Variants in URB1 observed in about 807,000 individuals in gnomAD.
URB1 encodes the protein nucleolar pre-ribosomal-associated protein 1.
URB1 carries 197 observed loss-of-function variants against 242.3 expected under a neutral mutation model. The observed-to-expected ratio is 0.81, with a 90% CI of 0.72 to 0.91. The LOEUF (loss-of-function observed/expected upper bound fraction) is 0.91. Among genes scored for constraint, URB1 ranks in the 40% least tolerant of loss-of-function variants. The pLI is 0.00. For synonymous variants in URB1, 1,153 were observed against 1,201.8 expected (o/e 0.96, Z 0.84); for missense variants, 2,721 against 2,860.5 (o/e 0.95, Z 1.11).
intron 3 of URB1, 33 bp from the exon 4 acceptor site, chr21:32,383,587 C>T (rs1176687489): frequency 1.9e-6 from 3 of 1,539,504 alleles, no homozygotes; most frequent in South Asian, 1.2e-5. Context: ...TCGGACACGT[C>T]AACAACAGCA....
At chr21:32,387,268 C>T (rs1397315284) in intron 1 of URB1, among the ~76,000 whole-genome samples, 1 of 152,170 alleles carries the variant, frequency 6.6e-6, no homozygotes, top group Non-Finnish European at 1.5e-5. Context: ...ACAGAATTCT[C>T]CTGCCAGAAC....
At chr21:32,322,606 C>T in intron 32 of URB1, 22 bp from the exon 33 acceptor site, 1 of 1,531,882 alleles carries the variant, frequency 6.5e-7, no homozygotes, top group Non-Finnish European at 8.9e-7. Context: ...GGCAGTCAGT[C>T]AGTCATGGCA....
intron 30 of URB1, among the ~76,000 whole-genome samples, chr21:32,329,502 A>C (rs1474670365): frequency 2.6e-5 from 4 of 152,194 alleles, no homozygotes; most frequent in African/African-American, 4.8e-5. Context: ...GGCATGTGTG[A>C]ATTATGAGCT....
chr21:32,319,440 A>G (rs2032738336), intron 35 of URB1, 26 bp from the exon 36 acceptor site: 1 of 1,489,872 alleles, frequency 6.7e-7, no homozygotes, highest in Non-Finnish European at 8.9e-7. Context: ...ACAGCCTTCA[A>G]TCCGCCACAT....
intron 27 of URB1, 98 bp from the exon 28 acceptor site, chr21:32,337,255 C>T (rs554555463): frequency 2.0e-4 from 277 of 1,395,806 alleles, no homozygotes; most frequent in Non-Finnish European, 2.4e-4. Flanking sequence ...TCAAATGGCC[C>T]GGTCCTCATA....
chr21:32,319,111 C>A (rs77449076), intron 36 of URB1, 106 bp downstream of exon 36: 40 of 1,155,252 alleles, frequency 3.5e-5, no homozygotes, highest in East Asian at 2.8e-5. Flanking sequence ...CACGGCCCAG[C>A]GTCCCCCTGG....
At chr21:32,316,062 C>T (rs576327253) in intron 38 of URB1, among the ~76,000 whole-genome samples, 65 of 152,332 alleles carry the variant, frequency 4.3e-4, no homozygotes, top group South Asian at 3.9e-3. Flanking sequence ...CACACACACG[C>T]GCATGCACAT....
In URB1 at chr21:32,366,704, T is replaced by C. The variant is rs1473258875; in HGVS notation, c.1249A>G (p.Ile417Val). Residue 417 changes from isoleucine to valine, a missense_variant, in exon 10 of 39, where the codon ATA becomes GTA. Transcript: ENST00000382751. Reference protein sequence around the residue: ...ISRAFQTREFIPLPRLLAMVM... With the variant: ...ISRAFQTREFVPLPRLLAMVM... ...ATTGCCAGGAGCCGAGGCAAGGGTA[T>C]AAACTCTCTGGTCTGAAATGCCCGG... The C allele has an allele frequency of 1.3e-6, 2 of 1,551,466 alleles. No individual in the cohort carries two copies. Among genetic ancestry groups the C allele is most frequent in the Non-Finnish European group, 1.7e-6 (2 of 1,146,832 alleles).
chr21:32,359,402 C>A (rs1374027813), intron 14 of URB1, among the ~76,000 whole-genome samples: 2 of 152,212 alleles, frequency 1.3e-5, no homozygotes, highest in Admixed American at 1.3e-4. Context: ...CCAGCCTCAA[C>A]CCTCTCCTGA....
At chr21:32,391,013 T>C (rs2033631328) in intron 1 of URB1, among the ~76,000 whole-genome samples, 1 of 152,160 alleles carries the variant, frequency 6.6e-6, no homozygotes, top group African/African-American at 2.4e-5. Context: ...GTGGCACATA[T>C]ACACCATGGA....
intron 2 of URB1, 149 bp from the exon 3 acceptor site, chr21:32,384,613 G>C: frequency 1.9e-6 from 2 of 1,036,208 alleles, no homozygotes; most frequent in Non-Finnish European, 2.7e-6. Context: ...AGTCAAACGC[G>C]ACAGCTTGGC....
chr21:32,349,413 C>G lies in URB1; in HGVS notation c.2903G>C (p.Cys968Ser). The part of the protein sequence containing the change: ...LDLLRRLVVH[C>S]EQLDAQNQQR... ...CTGGTTCTGGGCATCCAGCTGCTCA[C>G]AGTGGACAACCAGGCGCCTGAGGAG... is the stretch of plus-strand genomic sequence containing the variant. Residue 968 changes from cysteine (C) to serine (S), a missense_variant, in exon 21 of 39, where the codon TGT (cysteine) becomes TCT (serine). Cys to Ser is a moderately radical substitution (Grantham distance 112). Transcript: ENST00000382751. 6.4e-7 allele frequency: 1 copy of G among 1,551,504 alleles called. No homozygotes were observed. The highest frequency in any genetic ancestry group is 1.4e-5 in the African/African-American group (1 of 73,192).
intron 12 of URB1, 63 bp from the exon 13 acceptor site, chr21:32,361,186 A>AGAAAGAAAGAAAGAAG (rs1400960484): frequency 1.1e-6 from 1 of 881,976 alleles, no homozygotes; most frequent in Admixed American, 3.0e-5. Context: ...AAAGAAAGAA[A>AGAAAGAAAGAAAGAAG]GAAAGAAAGA....
chr21:32,363,483 G>C (rs1284772075), intron 10 of URB1, among the ~76,000 whole-genome samples, 154 bp from the exon 11 acceptor site: 1 of 152,174 alleles, frequency 6.6e-6, no homozygotes, highest in Admixed American at 6.5e-5. Flanking sequence ...GGCGACCTGG[G>C]TACCTCGCCC....
At chr21:32,334,380 GA>G in intron 28 of URB1, 46 bp from the exon 29 acceptor site, 1 of 1,507,684 alleles carries the variant, frequency 6.6e-7, no homozygotes. Context: ...AGCCCCCCGG[GA>G]ACAGAATTAA....
chr21:32,368,833 G>A (rs1470537088), intron 8 of URB1, among the ~76,000 whole-genome samples: 1 of 149,954 alleles, frequency 6.7e-6, no homozygotes. Flanking sequence ...TCTGTCCTGC[G>A]ATCTTTCTTC....
intron 14 of URB1, among the ~76,000 whole-genome samples, chr21:32,359,134 T>C (rs946939801): frequency 2.0e-5 from 3 of 152,198 alleles, no homozygotes; most frequent in African/African-American, 7.2e-5. Context: ...ACTGGTTCCA[T>C]ATAAGATCTA....
At chr21:32,369,809 T>C (rs906722345) in intron 8 of URB1, among the ~76,000 whole-genome samples, 1 of 151,906 alleles carries the variant, frequency 6.6e-6, no homozygotes, top group African/African-American at 2.4e-5. Context: ...AGCTAGGATG[T>C]GGAAAAAATC....
Position 32,350,710 on chromosome 21 carries a change from G to A in URB1, c.2826C>T (p.Phe942=), listed in dbSNP as rs769221746. The A allele has an allele frequency of 3.6e-5, 56 of 1,550,836 alleles. No homozygotes were observed. Among genetic ancestry groups the A allele is most frequent in the Middle Eastern group, 3.5e-4 (2 of 5,782 alleles). Residue 942 remains phenylalanine (F), a synonymous_variant, in exon 20 of 39, where the codon TTC becomes TTT. Coordinates refer to ENST00000382751, the MANE Select transcript of URB1 (RefSeq NM_014825.3). ...LLYLRSTVEN[F]GQLGRSVGPP... ...GGATGGGGGCAACGCTGACCTGGCCGAAGTTCTCCACAGTGCTCCGCAGGT... is the reference window on the plus strand; with the variant it reads ...GGATGGGGGCAACGCTGACCTGGCCAAAGTTCTCCACAGTGCTCCGCAGGT...
Sources: gnomAD v4.1 joint callset for allele counts (sites outside exome capture counted in the v4.1 genomes callset) on GRCh38, gnomAD v4.1.1 for gene constraint, MANE v1.5 for transcripts, NCBI Gene and HGNC (gene_info 2026-07-23, HGNC 2026-07-21) for gene names.